RNF111: variants seen among roughly 807,000 people sequenced by gnomAD.
The protein encoded by RNF111 is ring finger protein 111.
Under a neutral mutation model 95.1 loss-of-function variants are expected in RNF111, and 17 were observed. That is an observed-to-expected ratio of 0.18 (90% CI 0.12 to 0.27). RNF111 has a LOEUF of 0.27. Among genes scored for constraint, RNF111 ranks in the 10% least tolerant of loss-of-function variants. The probability of loss-of-function intolerance (pLI) is 1.00; values close to 1 mark genes in which losing one functional copy is unlikely to be tolerated. For missense variants in RNF111, 1,189 were observed against 1,210.4 expected (o/e 0.98, Z 0.26); for synonymous variants, 440 against 414.8 (o/e 1.06, Z -0.74).
chr15:58,999,139 A>C (rs1219210776), intron 1 of RNF111, among the ~76,000 whole-genome samples: 1 of 152,198 alleles, frequency 6.6e-6, no homozygotes, highest in Admixed American at 6.5e-5. Flanking sequence ...TATTTGTGTG[A>C]AACTGGATTT....
At chr15:59,026,232 T>C (rs938443481) in intron 1 of RNF111, among the ~76,000 whole-genome samples, 16 of 152,198 alleles carry the variant, frequency 1.1e-4, no homozygotes, top group Admixed American at 5.9e-4. Flanking sequence ...TTTGCTCACA[T>C]AAACTTGTTT....
At chr15:59,089,798 C>G in intron 11 of RNF111, 39 bp downstream of exon 11, 2 of 1,372,188 alleles carry the variant, frequency 1.5e-6, no homozygotes, top group South Asian at 2.3e-5. Context: ...GTCACAGTAT[C>G]TTTAATGCAG....
chr15:58,996,072 A>T (rs1051325891), intron 1 of RNF111, among the ~76,000 whole-genome samples: 3 of 151,868 alleles, frequency 2.0e-5, no homozygotes, highest in Admixed American at 1.3e-4. Flanking sequence ...TCATAAAGCA[A>T]TTTTTTTCTT....
At chr15:59,074,073 G>A (rs1350390673) in intron 6 of RNF111, among the ~76,000 whole-genome samples, 1 of 152,064 alleles carries the variant, frequency 6.6e-6, no homozygotes, top group Non-Finnish European at 1.5e-5. Flanking sequence ...TTTTTTCTTA[G>A]TAGTGGGTCT....
In RNF111 at chr15:59,031,484, C is replaced by A; in HGVS notation, c.662C>A (p.Ser221Tyr). 1.2e-6 allele frequency: 2 copies of A among 1,614,098 alleles called. No individual in the cohort carries two copies. The highest frequency in any genetic ancestry group is 1.1e-5 in the South Asian group (1 of 91,072). The change falls in exon 2 of 14, where the codon TCC becomes TAC. Residue 221 changes from serine to tyrosine, a missense_variant. Physicochemically the swap from Ser to Tyr is moderately radical, Grantham distance 144. Coordinates refer to ENST00000348370, the MANE Select transcript of RNF111 (RefSeq NM_017610.8). ...AGAAAGAGATTTGTAAAAAATAATT[C>A]CTCACAGAGGACACAGAAACAAAAA... is the stretch of plus-strand genomic sequence containing the variant. ...PCRKRFVKNN[S>Y]SQRTQKQKER...
At chr15:59,060,002 T>TC (rs766679654) in intron 5 of RNF111, among the ~76,000 whole-genome samples, 43 of 152,202 alleles carry the variant, frequency 2.8e-4, no homozygotes, top group Non-Finnish European at 5.9e-4. Context: ...AAGTATTCTC[T>TC]CCCCTGGAAA....
intron 2 of RNF111, among the ~76,000 whole-genome samples, chr15:59,045,202 T>A (rs2141897432): frequency 6.6e-6 from 1 of 152,078 alleles, no homozygotes; most frequent in Admixed American, 6.5e-5. Context: ...TTTTTTTTTT[T>A]TTTGAGACAG....
At chr15:59,024,523 T>C (rs1196423566) in intron 1 of RNF111, among the ~76,000 whole-genome samples, 3 of 152,176 alleles carry the variant, frequency 2.0e-5, no homozygotes, top group Non-Finnish European at 4.4e-5. Flanking sequence ...AGGGTGATTT[T>C]TTAAAGTGTG....
At chr15:59,088,354 C>G (rs542434594) in intron 10 of RNF111, among the ~76,000 whole-genome samples, 8 of 152,300 alleles carry the variant, frequency 5.3e-5, no homozygotes, top group African/African-American at 1.9e-4. Context: ...GCAGGAGTTC[C>G]TTTCCGATTT....
chr15:59,073,015 T>A (rs962723224), intron 6 of RNF111, among the ~76,000 whole-genome samples: 11 of 151,892 alleles, frequency 7.2e-5, no homozygotes, highest in Admixed American at 6.6e-4. Context: ...CTACAAAAAA[T>A]CTAAAAATTA....
At position 59,033,502 on chromosome 15, in the gene RNF111, G is replaced by T. The variant is rs563112812; in HGVS notation, c.880+1800G>T. Among the ~76,000 whole-genome samples, 5 of 152,298 alleles carry T rather than the reference G, an allele frequency of 3.3e-5. No homozygotes were observed. In the East Asian group the frequency reaches 9.6e-4, roughly 29 times the overall value. On this transcript the variant is annotated intron_variant, in intron 2 of 13. Transcript: ENST00000348370. Reference sequence around the variant, plus strand: ...CTGAGAATAAGGGAAATGAGGAGTTGTGTTGCTTAATTGTCACATTTTTCT... The same window carrying T: ...CTGAGAATAAGGGAAATGAGGAGTTTTGTTGCTTAATTGTCACATTTTTCT...
chr15:59,065,302 G>GT (rs1224609224), intron 5 of RNF111, among the ~76,000 whole-genome samples: 1 of 152,130 alleles, frequency 6.6e-6, no homozygotes, highest in African/African-American at 2.4e-5. Context: ...TTGAGGAAGC[G>GT]TTTCTAGGTT....
intron 1 of RNF111, among the ~76,000 whole-genome samples, chr15:58,990,902 C>G (rs1459535635): frequency 6.6e-6 from 1 of 152,134 alleles, no homozygotes; most frequent in Non-Finnish European, 1.5e-5. Context: ...TTGTTTCTTT[C>G]CTACATCCTA....
chr15:59,031,191 G>A lies in RNF111; in HGVS notation c.369G>A (p.Gly123=), dbSNP rs1212717894. 1.9e-6 allele frequency: 3 copies of A among 1,614,208 alleles called. No homozygotes were observed. Among genetic ancestry groups the A allele is most frequent in the Admixed American group, 1.7e-5 (1 of 60,034 alleles). Reference sequence around the variant, plus strand: ...TATTAGGACTGAGGCAACACCTAGGGACACCAAGTGATGAAGATAATGATT... The same window carrying A: ...TATTAGGACTGAGGCAACACCTAGGAACACCAAGTGATGAAGATAATGATT... The part of the protein sequence containing the change: ...QGILGLRQHL[G]TPSDEDNDSS... The change falls in exon 2 of 14, where the codon GGG becomes GGA. Residue 123 remains glycine, a synonymous_variant. Coordinates refer to ENST00000348370, the MANE Select transcript of RNF111 (RefSeq NM_017610.8).
chr15:59,067,752 G>A (rs1395165059), intron 6 of RNF111, among the ~76,000 whole-genome samples: 1 of 152,112 alleles, frequency 6.6e-6, no homozygotes, highest in South Asian at 2.1e-4. Context: ...TGAAACTCTA[G>A]TGTCCAGCTA....
rs375984147 is a variant in RNF111, at chr15:59,021,084, C to G, written c.-19-9720C>G. Among the ~76,000 whole-genome samples, 8 of 152,196 alleles carry G rather than the reference C, an allele frequency of 5.3e-5. No homozygotes were observed. In the South Asian group the frequency reaches 1.7e-3, roughly 32 times the overall value. On this transcript the variant is annotated intron_variant, in intron 1 of 13. Coordinates refer to ENST00000348370, the MANE Select transcript of RNF111 (RefSeq NM_017610.8). Reference sequence around the variant, plus strand: ...CTGACCTCACTTTCCACCCTTTCCCCCAAAGTCCTTTGTATCATTCTTATG... The same window carrying G: ...CTGACCTCACTTTCCACCCTTTCCCGCAAAGTCCTTTGTATCATTCTTATG...
intron 11 of RNF111, 40 bp from the exon 12 acceptor site, chr15:59,091,019 C>A (rs1386751431): frequency 8.4e-7 from 1 of 1,195,320 alleles, no homozygotes; most frequent in African/African-American, 1.5e-5. Flanking sequence ...AAGGAATAAT[C>A]ATCTTGGCTT....
chr15:59,063,450 A>C (rs1363369991), intron 5 of RNF111, among the ~76,000 whole-genome samples: 2 of 152,140 alleles, frequency 1.3e-5, no homozygotes, highest in Non-Finnish European at 2.9e-5. Flanking sequence ...TAACCAAATT[A>C]TTGTCCCTGG....
intron 6 of RNF111, among the ~76,000 whole-genome samples, chr15:59,068,085 T>A (rs1267354894): frequency 6.6e-6 from 1 of 152,218 alleles, no homozygotes; most frequent in Non-Finnish European, 1.5e-5. Context: ...CATGTACGAT[T>A]ATGATATAAG....
Sources: gnomAD v4.1 joint callset for allele counts (sites outside exome capture counted in the v4.1 genomes callset) on GRCh38, gnomAD v4.1.1 for gene constraint, MANE v1.5 for transcripts, NCBI Gene and HGNC (gene_info 2026-07-23, HGNC 2026-07-21) for gene names.